Variants in PIM3 observed in about 807,000 individuals in gnomAD.
PIM3 encodes serine/threonine-protein kinase pim-3.
Under a neutral mutation model 27.5 loss-of-function variants are expected in PIM3, and 13 were observed. The ratio of observed to expected loss-of-function variants is 0.47; its 90% CI spans 0.31 to 0.75. The LOEUF is 0.75. PIM3 is among the 30% of genes least tolerant of loss of function. The pLI, the probability that PIM3 is intolerant of heterozygous loss-of-function variation, is 0.05. For missense variants in PIM3, 482 were observed against 476.9 expected, an observed-to-expected ratio of 1.01 and a Z score of -0.10; for synonymous variants, 341 against 221.1, an observed-to-expected ratio of 1.54 and a Z score of -4.81.
chr22:49,962,558 T>C (rs1403188525), intron 4 of PIM3, 131 bp from the exon 5 acceptor site: 2 of 1,082,882 alleles, frequency 1.8e-6, no homozygotes, highest in South Asian at 3.3e-5. Context: ...TCCAGGGTGA[T>C]GACGAGCAGG....
intron 4 of PIM3, among the ~76,000 whole-genome samples, chr22:49,962,409 C>CCCCA (rs2060913047): frequency 6.6e-6 from 1 of 150,538 alleles, no homozygotes; most frequent in African/African-American, 2.4e-5. Context: ...GCTGTCCCCC[C>CCCCA]CCCACCCAGG....
Position 49,963,112 on chromosome 22 carries a change from C to T in PIM3, c.966C>T (p.Ser322=), listed in dbSNP as rs1285352649. The change falls in exon 6 of 6, where the codon AGC becomes AGT. Residue 322 remains serine, a synonymous_variant. Coordinates refer to ENST00000360612, the MANE Select transcript of PIM3 (RefSeq NM_001001852.4). ...ATGACGTGGCCAGCACCACGTCCAG[C>T]AGCGAGAGCTTGTGAGGAGCTGCAC... ...DPDDVASTTS[S]SESL is the part of the protein sequence containing the mutation. The T allele has an allele frequency of 1.2e-6, 2 of 1,604,576 alleles. No individual in the cohort carries two copies. The highest frequency in any genetic ancestry group is 8.5e-7 in the Non-Finnish European group (1 of 1,175,880).
intron 4 of PIM3, 123 bp from the exon 5 acceptor site, chr22:49,962,566 A>G (rs984829920): frequency 3.7e-6 from 4 of 1,075,728 alleles, no homozygotes; most frequent in Non-Finnish European, 5.1e-6. Context: ...GATGACGAGC[A>G]GGATTTTGAG....
Position 49,963,216 on chromosome 22 carries a change from G to T in PIM3, c.*89G>T. ...ACCCTGACTTTCTCCTGCGTGGGCC[G>T]TCTCCTCCTGCGGAAGCAGTGACCT... On this transcript the variant is annotated 3_prime_UTR_variant, in exon 6 of 6. Transcript: ENST00000360612. 1.5e-6 allele frequency: 2 copies of T among 1,371,044 alleles called. No individual in the cohort carries two copies. Among genetic ancestry groups the T allele is most frequent in the South Asian group, 1.5e-5 (1 of 65,312 alleles). 84.9% of individuals were successfully genotyped at this position (1,371,044 alleles called of 1,614,324 possible).
In PIM3 at chr22:49,961,302, C is replaced by A. The variant is rs763146115; in HGVS notation, c.196-16C>A. 2 of 1,543,600 alleles carry A rather than the reference C, an allele frequency of 1.3e-6. No homozygotes were observed. The highest frequency in any genetic ancestry group is 2.7e-5 in the East Asian group (1 of 37,254). On this transcript the variant is annotated splice_polypyrimidine_tract_variant and intron_variant, in intron 2 of 5. Transcript: ENST00000360612. ...TGCGCCTCGCTTGGCCCGGCCTGAC[C>A]CCCGCGTCTCCGCAGGTGGCTGTGA... is the stretch of plus-strand genomic sequence containing the variant.
At position 49,961,382 on chromosome 22, in the gene PIM3, CGGGCGGCGGCGGCGGCGGG is replaced by C; in HGVS notation, c.246+21_247-35del. The C allele has an allele frequency of 6.8e-7, 1 of 1,467,028 alleles. No individual in the cohort carries two copies. The highest frequency in any genetic ancestry group is 9.0e-7 in the Non-Finnish European group (1 of 1,114,920). The allele number at this position is 1,467,028 out of a possible 1,614,324, so 90.9% of individuals were successfully genotyped here. A position where few individuals can be genotyped will look rare whatever the true frequency, so the allele number is the denominator to read the frequency against. ...TGGGGCAGCCTGGTAAGTTGGGGCA[CGGGCGGCGGCGGCGGCGGG>C]GGGCGGGCGCGGGGCTTTTGCTGAC... On this transcript the variant is annotated intron_variant, in intron 3 of 5. Coordinates refer to ENST00000360612, the MANE Select transcript of PIM3 (RefSeq NM_001001852.4).
chr22:49,963,144 G>C lies in PIM3; in HGVS notation c.*17G>C. 6.4e-7 allele frequency: 1 copy of C among 1,559,636 alleles called. No individual in the cohort carries two copies. The highest frequency in any genetic ancestry group is 8.7e-7 in the Non-Finnish European group (1 of 1,150,444). On this transcript the variant is annotated 3_prime_UTR_variant, in exon 6 of 6. Coordinates refer to ENST00000360612, the MANE Select transcript of PIM3 (RefSeq NM_001001852.4). ...AGCTTGTGAGGAGCTGCACCTGACT[G>C]GGAGCTAGGGGACCACCTGCCTTGG...
At position 49,963,682 on chromosome 22, in the gene PIM3, G is replaced by GC. The variant is rs1331639436; in HGVS notation, c.*559dup. 1 of 152,580 alleles carries GC rather than the reference G, an allele frequency of 6.6e-6. No homozygotes were observed. Among genetic ancestry groups the GC allele is most frequent in the Non-Finnish European group, 1.5e-5 (1 of 68,096 alleles). 9.5% of individuals were successfully genotyped at this position (152,580 alleles called of 1,614,324 possible). A position where few individuals can be genotyped will look rare whatever the true frequency, so the allele number is the denominator to read the frequency against. On this transcript the variant is annotated 3_prime_UTR_variant, in exon 6 of 6. Transcript: ENST00000360612. ...CCTCTGAGCAGTCTGCCTCTCCCAAGCCCCAGGGGACAGTGGGGAGGCAGG... is the reference window on the plus strand; with the variant it reads ...CCTCTGAGCAGTCTGCCTCTCCCAAGCCCCCAGGGGACAGTGGGGAGGCAGG...
In PIM3 at chr22:49,963,065, CG is replaced by C; in HGVS notation, c.921del (p.Leu308CysfsTer28). 6.2e-7 allele frequency: 1 copy of C among 1,611,794 alleles called. No individual in the cohort carries two copies. Among genetic ancestry groups the C allele is most frequent in the Non-Finnish European group, 8.5e-7 (1 of 1,179,580 alleles). On this transcript the variant is annotated frameshift_variant, in exon 6 of 6. Transcript: ENST00000360612. LOFTEE classifies it high-confidence loss of function. Reference sequence around the variant, plus strand: ...GGGCGTCCCGGAGAGCTGTGACCTGCGGCTGTGCACCCTCGACCCTGATGAC... The same window carrying C: ...GGGCGTCCCGGAGAGCTGTGACCTGCGCTGTGCACCCTCGACCCTGATGAC... ...DGGVPESCDL[R>X]LCTLDPDDVA...
At chr22:49,961,268 CGCGCGCCTT>C in intron 2 of PIM3, 34 bp downstream of exon 2, 3 of 1,538,982 alleles carry the variant, frequency 1.9e-6, no homozygotes, top group Non-Finnish European at 2.6e-6. Context: ...CCGGGTTTCT[CGCGCGCCTT>C]GCGCCTCGCT....
rs1291522078 is a variant in PIM3, at chr22:49,961,629, C to A, written c.434C>A (p.Pro145Gln). 8 of 1,557,290 alleles carry A rather than the reference C, an allele frequency of 5.1e-6. No homozygotes were observed. The highest frequency in any genetic ancestry group is 6.9e-6 in the Non-Finnish European group (8 of 1,151,620). Residue 145 changes from proline (P) to glutamine (Q), a missense_variant, in exon 4 of 6, where the codon CCG becomes CAG. Coordinates refer to ENST00000360612, the MANE Select transcript of PIM3 (RefSeq NM_001001852.4). Reference sequence around the variant, plus strand: ...ACGGAGCGCGGCGCCCTGGACGAGCCGCTGGCGCGCCGCTTCTTCGCGCAG... The same window carrying A: ...ACGGAGCGCGGCGCCCTGGACGAGCAGCTGGCGCGCCGCTTCTTCGCGCAG... The part of the protein sequence containing the change: ...FITERGALDE[P>Q]LARRFFAQVL...
rs2060918038 is a variant in PIM3, at chr22:49,963,114, G to T, written c.968G>T (p.Ser323Ile). 1.9e-6 allele frequency: 3 copies of T among 1,603,836 alleles called. No homozygotes were observed. The highest frequency in any genetic ancestry group is 2.7e-5 in the African/African-American group (2 of 74,814). The change falls in exon 6 of 6, where the codon AGC (serine) becomes ATC (isoleucine). Residue 323 changes from serine to isoleucine, a missense_variant. Transcript: ENST00000360612. ...PDDVASTTSSSESL is the reference protein window; with the variant it reads ...PDDVASTTSSIESL ...GACGTGGCCAGCACCACGTCCAGCA[G>T]CGAGAGCTTGTGAGGAGCTGCACCT...
At chr22:49,962,113 C>T (rs1057066414) in intron 4 of PIM3, among the ~76,000 whole-genome samples, 3 of 152,078 alleles carry the variant, frequency 2.0e-5, no homozygotes, top group Non-Finnish European at 4.4e-5. Context: ...GAGAGACCCC[C>T]GGCTGGGGGC....
At chr22:49,962,320 G>A (rs1051453029) in intron 4 of PIM3, among the ~76,000 whole-genome samples, 1,473 of 101,064 alleles carry the variant, frequency 0.015, 13 homozygotes, top group Non-Finnish European at 0.023. Context: ...GGGGCTCCCC[G>A]CCCGCCCCTC....
chr22:49,961,232 C>A lies in PIM3; in HGVS notation c.193C>A (p.Pro65Thr). Residue 65 changes from proline to threonine, a missense_variant and splice_region_variant, in exon 2 of 6, where the codon CCG becomes ACG. Pro to Thr is a conservative substitution (Grantham distance 38). Coordinates refer to ENST00000360612, the MANE Select transcript of PIM3 (RefSeq NM_001001852.4). ...YAGSRIADGL[P>T]VAVKHVVKER... ...GGGTAGCCGCATCGCCGACGGGCTC[C>A]CGGTGAGTCGGACCGCCGGGCGGGC... 1 of 1,535,728 alleles carries A rather than the reference C, an allele frequency of 6.5e-7. No homozygotes were observed. Among genetic ancestry groups the A allele is most frequent in the South Asian group, 1.2e-5 (1 of 82,916 alleles).
chr22:49,961,418 T>C, intron 3 of PIM3, 24 bp from the exon 4 acceptor site: 1 of 1,413,802 alleles, frequency 7.1e-7, no homozygotes. Flanking sequence ...GCGCGGGGCT[T>C]TTGCTGACCG....
chr22:49,961,533 TCGAGCGGCC>T lies in PIM3; in HGVS notation c.342_350del (p.Glu114_Pro116del). On this transcript the variant is annotated inframe_deletion, in exon 4 of 6. Transcript: ENST00000360612. ...GGCGTCATCCGCCTGCTGGACTGGT[TCGAGCGGCC>T]CGACGGCTTCCTGCTGGTGCTGGAG... is the stretch of plus-strand genomic sequence containing the variant. 1 of 1,543,436 alleles carries T rather than the reference TCGAGCGGCC, an allele frequency of 6.5e-7. No homozygotes were observed. Among genetic ancestry groups the T allele is most frequent in the Non-Finnish European group, 8.7e-7 (1 of 1,145,066 alleles).
Position 49,961,040 on chromosome 22 carries a change from C to A in PIM3, c.85+8C>A. The A allele has an allele frequency of 7.4e-7, 1 of 1,345,282 alleles. No homozygotes were observed. The highest frequency in any genetic ancestry group is 9.6e-7 in the Non-Finnish European group (1 of 1,038,190). The allele number at this position is 1,345,282 out of a possible 1,614,324, so 83.3% of individuals were successfully genotyped here. On this transcript the variant is annotated splice_region_variant and intron_variant, in intron 1 of 5. Coordinates refer to ENST00000360612, the MANE Select transcript of PIM3 (RefSeq NM_001001852.4). ...TGAAGATCCTGCAGCCAGGTACGCG[C>A]GGGGCCGGCGGGGCCGGGGCCGGGG...
Position 49,961,472 on chromosome 22 carries a change from C to G in PIM3, c.277C>G (p.Leu93Val). 6.7e-7 allele frequency: 1 copy of G among 1,481,878 alleles called. No individual in the cohort carries two copies. The highest frequency in any genetic ancestry group is 8.9e-7 in the Non-Finnish European group (1 of 1,120,890). 91.8% of individuals were successfully genotyped at this position (1,481,878 alleles called of 1,614,324 possible). A position where few individuals can be genotyped will look rare whatever the true frequency, so the allele number is the denominator to read the frequency against. The change falls in exon 4 of 6, where the codon CTG (leucine) becomes GTG (valine). Residue 93 changes from leucine (L) to valine (V), a missense_variant. Coordinates refer to ENST00000360612, the MANE Select transcript of PIM3 (RefSeq NM_001001852.4). ...GGATVPLEVV[L>V]LRKVGAAGGA... is the part of the protein sequence containing the mutation. ...CGCGACCGTGCCCCTGGAGGTGGTG[C>G]TGCTGCGCAAGGTGGGCGCGGCGGG... is the stretch of plus-strand genomic sequence containing the variant.
Sources: allele counts gnomAD v4.1 joint callset (sites outside exome capture counted in the v4.1 genomes callset), GRCh38; gene constraint gnomAD v4.1.1; transcripts MANE v1.5; gene names NCBI Gene and HGNC (gene_info 2026-07-23, HGNC 2026-07-21).